UBE2E2: variants seen among roughly 807,000 people sequenced by gnomAD.
UBE2E2 encodes the protein ubiquitin-conjugating enzyme E2 E2.
In UBE2E2, 6 loss-of-function variants were observed where a neutral mutation model predicts 24.7. The ratio of observed to expected loss-of-function variants is 0.24; its 90% CI spans 0.13 to 0.48. UBE2E2 has a LOEUF of 0.48. Ranked by LOEUF, UBE2E2 falls within the 20% of genes least tolerant of loss-of-function variation. UBE2E2 has a pLI of 0.99. For missense variants in UBE2E2, 169 were observed against 245.0 expected, an observed-to-expected ratio of 0.69 and a Z score of 2.07; for synonymous variants, 104 against 83.6, an observed-to-expected ratio of 1.24 and a Z score of -1.33.
intron 1 of UBE2E2, among the ~76,000 whole-genome samples, chr3:23,207,396 A>G (rs76166963): frequency 6.6e-6 from 1 of 151,956 alleles, no homozygotes; most frequent in Non-Finnish European, 1.5e-5. Context: ...GGAATTTGAA[A>G]GCCTTGAGGG....
At chr3:23,430,425 T>TAAG (rs1334708063) in intron 3 of UBE2E2, among the ~76,000 whole-genome samples, 1 of 152,120 alleles carries the variant, frequency 6.6e-6, no homozygotes, top group Non-Finnish European at 1.5e-5. Flanking sequence ...GTTACAAGAT[T>TAAG]AAGAGTTCAT....
intron 5 of UBE2E2, among the ~76,000 whole-genome samples, chr3:23,535,025 A>G (rs1695217884): frequency 6.6e-6 from 1 of 152,194 alleles, no homozygotes; most frequent in African/African-American, 2.4e-5. Flanking sequence ...TTTTTGGTCC[A>G]TTCCAACACA....
intron 3 of UBE2E2, among the ~76,000 whole-genome samples, chr3:23,412,564 A>T (rs1409455262): frequency 6.6e-6 from 1 of 152,212 alleles, no homozygotes; most frequent in East Asian, 1.9e-4. Context: ...TTGGAATGCC[A>T]GTTCTTCAAG....
At chr3:23,384,226 G>A (rs974124500) in intron 3 of UBE2E2, among the ~76,000 whole-genome samples, 3 of 152,104 alleles carry the variant, frequency 2.0e-5, no homozygotes, top group Admixed American at 2.0e-4. Context: ...ATAGTGTCAC[G>A]AGCATGGCTC....
intron 3 of UBE2E2, among the ~76,000 whole-genome samples, chr3:23,462,733 C>A (rs1261272538): frequency 1.3e-5 from 2 of 152,100 alleles, no homozygotes; most frequent in African/African-American, 4.8e-5. Context: ...TCTTTTGCAT[C>A]CCTCATTATC....
intron 3 of UBE2E2, among the ~76,000 whole-genome samples, chr3:23,426,876 A>G (rs1345299501): frequency 6.6e-6 from 1 of 152,158 alleles, no homozygotes; most frequent in African/African-American, 2.4e-5. Flanking sequence ...GGACAGATCA[A>G]TCTGTACAAA....
intron 3 of UBE2E2, among the ~76,000 whole-genome samples, chr3:23,252,965 T>A (rs963647081): frequency 7.2e-5 from 11 of 152,270 alleles, no homozygotes; most frequent in African/African-American, 2.7e-4. Context: ...TGCTGTTTTC[T>A]AAATTTTATC....
At chr3:23,293,855 C>T (rs1698835835) in intron 3 of UBE2E2, among the ~76,000 whole-genome samples, 1 of 152,166 alleles carries the variant, frequency 6.6e-6, no homozygotes, top group Middle Eastern at 3.2e-3. Context: ...TTGGTGTGCA[C>T]CAGTATTCCC....
intron 4 of UBE2E2, among the ~76,000 whole-genome samples, chr3:23,526,673 A>G (rs1052740306): frequency 6.6e-6 from 1 of 152,190 alleles, no homozygotes; most frequent in Non-Finnish European, 1.5e-5. Context: ...AAACTTAGGG[A>G]TCAAGATTTT....
rs576272820 is a variant in UBE2E2 at position 23,496,761 on chromosome 3, T to C, written c.228-2847T>C. On this transcript the variant is annotated intron_variant, in intron 3 of 5. Transcript: ENST00000396703. Reference sequence around the variant, plus strand: ...CTGGTGATACACACATGTAAAAGTTTCTCTGTAGTGTATACCTGGGAGTAT... The same window carrying C: ...CTGGTGATACACACATGTAAAAGTTCCTCTGTAGTGTATACCTGGGAGTAT... 1.6e-3 allele frequency among the ~76,000 whole-genome samples: 250 copies of C among 152,272 alleles called. 1 individual carries two copies. Among genetic ancestry groups the C allele is most frequent in the African/African-American group, 5.8e-3 (242 of 41,558 alleles).
intron 3 of UBE2E2, among the ~76,000 whole-genome samples, chr3:23,355,663 T>G (rs762013106): frequency 5.9e-5 from 9 of 152,206 alleles, no homozygotes; most frequent in Non-Finnish European, 1.0e-4. Context: ...GACCAGTTTA[T>G]ACCTACTGTG....
At chr3:23,221,248 T>A (rs767289304) in intron 3 of UBE2E2, among the ~76,000 whole-genome samples, 18 of 152,230 alleles carry the variant, frequency 1.2e-4, no homozygotes, top group Non-Finnish European at 1.9e-4. Context: ...GTTTCAAGAA[T>A]CTGCTCATGG....
intron 3 of UBE2E2, among the ~76,000 whole-genome samples, chr3:23,317,134 C>T (rs1694603879): frequency 6.6e-6 from 1 of 152,142 alleles, no homozygotes; most frequent in Admixed American, 6.5e-5. Context: ...GGTCATGTGT[C>T]CCCCCAAATG....
chr3:23,344,812 A>G (rs1695502454), intron 3 of UBE2E2, among the ~76,000 whole-genome samples: 2 of 132,368 alleles, frequency 1.5e-5, no homozygotes, highest in South Asian at 4.8e-4. Flanking sequence ...AGCGAGACCC[A>G]GTCTGTATTA....
intron 3 of UBE2E2, among the ~76,000 whole-genome samples, chr3:23,269,057 A>G (rs1234462301): frequency 6.6e-6 from 1 of 151,844 alleles, no homozygotes; most frequent in African/African-American, 2.4e-5. Flanking sequence ...TTAATTCAAG[A>G]TGGATTAGAG....
chr3:23,380,017 C>T (rs1696625963), intron 3 of UBE2E2, among the ~76,000 whole-genome samples: 1 of 145,980 alleles, frequency 6.9e-6, no homozygotes, highest in Non-Finnish European at 1.5e-5. Context: ...AGTGAAACTA[C>T]ACTAGAGCTA....
intron 4 of UBE2E2, among the ~76,000 whole-genome samples, chr3:23,502,923 G>C (rs1699755307): frequency 6.6e-6 from 1 of 151,998 alleles, no homozygotes; most frequent in Admixed American, 6.6e-5. Flanking sequence ...TTTGATGTCA[G>C]GTCTTCAGCT....
In UBE2E2 at chr3:23,397,499, C is replaced by T. The variant is rs982832513; in HGVS notation, c.228-102109C>T. ...AAATAGGACATTGCCAGCTTCCCCC[C>T]TCCAAGAAATCTCCCACATTCCCTT... On this transcript the variant is annotated intron_variant, in intron 3 of 5. Coordinates refer to ENST00000396703, the MANE Select transcript of UBE2E2 (RefSeq NM_152653.4). 1.3e-4 allele frequency among the ~76,000 whole-genome samples: 20 copies of T among 152,160 alleles called. 1 individual carries two copies. The highest frequency in any genetic ancestry group is 2.2e-4 in the Non-Finnish European group (15 of 68,024).
intron 3 of UBE2E2, among the ~76,000 whole-genome samples, chr3:23,389,160 T>C (rs1696879289): frequency 6.6e-6 from 1 of 152,112 alleles, no homozygotes; most frequent in African/African-American, 2.4e-5. Context: ...CCTACAATAA[T>C]CTATGTTTTT....
Sources: gnomAD v4.1 joint callset for allele counts (sites outside exome capture counted in the v4.1 genomes callset) on GRCh38, gnomAD v4.1.1 for gene constraint, MANE v1.5 for transcripts, NCBI Gene and HGNC (gene_info 2026-07-23, HGNC 2026-07-21) for gene names.